The following ITIH2 variants were observed in gnomAD, a reference collection of about 807,000 sequenced individuals.
ITIH2 encodes the protein inter-alpha-trypsin inhibitor heavy chain 2, also known as inter-alpha-trypsin inhibitor heavy chain H2.
Under a neutral mutation model 104.4 loss-of-function variants are expected in ITIH2, and 103 were observed. The observed-to-expected ratio is 0.99, with a 90% CI of 0.84 to 1.16. The LOEUF (loss-of-function observed/expected upper bound fraction) is 1.16, where lower values mean the gene tolerates loss of function less well. Ranked by LOEUF, ITIH2 falls within the 50% of genes most tolerant of loss-of-function variation. The pLI, the probability that ITIH2 is intolerant of heterozygous loss-of-function variation, is 0.00. For synonymous variants in ITIH2, 436 were observed against 435.4 expected (o/e 1.00, Z -0.02); for missense variants, 1,108 against 1,162.4 (o/e 0.95, Z 0.68).
intron 14 of ITIH2, among the ~76,000 whole-genome samples, chr10:7,732,745 T>C (rs1160124135): frequency 6.6e-6 from 1 of 152,206 alleles, no homozygotes; most frequent in Non-Finnish European, 1.5e-5. Flanking sequence ...TTATTTTTTT[T>C]GAGGCAGAGT....
At position 7,730,043 on chromosome 10, in the gene ITIH2, G is replaced by A. The variant is rs1834986903; in HGVS notation, c.1371G>A (p.Val457=). Residue 457 remains valine, a synonymous_variant, in exon 12 of 21, where the codon GTG becomes GTA. Transcript: ENST00000358415. ...TCAGTTTGGGCATGGGATTTGATGT[G>A]GACTATGATTTTTTGAAGAGACTGT... The part of the protein sequence containing the change: ...SLFSLGMGFD[V]DYDFLKRLSN... 6.2e-7 allele frequency: 1 copy of A among 1,612,358 alleles called. No homozygotes were observed. Among genetic ancestry groups the A allele is most frequent in the Non-Finnish European group, 8.5e-7 (1 of 1,178,542 alleles).
intron 2 of ITIH2, 57 bp downstream of exon 2, chr10:7,705,239 A>G: frequency 1.6e-6 from 2 of 1,221,292 alleles, no homozygotes; most frequent in African/African-American, 1.5e-5. Context: ...TTATGGCAGA[A>G]GAAGACAAGT....
chr10:7,714,661 G>A (rs962918861), intron 5 of ITIH2, among the ~76,000 whole-genome samples: 2 of 152,146 alleles, frequency 1.3e-5, no homozygotes, highest in East Asian at 1.9e-4. Context: ...AGCGGACACC[G>A]TCAGCCTCAT....
intron 14 of ITIH2, 44 bp from the exon 15 acceptor site, chr10:7,734,878 C>T (rs771056234): frequency 2.6e-6 from 4 of 1,535,642 alleles, no homozygotes; most frequent in Admixed American, 3.4e-5. Context: ...CGCTCCCCCT[C>T]CAATGCAGCC....
At chr10:7,726,683 G>A (rs1302793046) in intron 9 of ITIH2, among the ~76,000 whole-genome samples, 5 of 152,206 alleles carry the variant, frequency 3.3e-5, no homozygotes, top group Non-Finnish European at 5.9e-5. Context: ...GGTGGCACTC[G>A]AAGTTTGTGA....
chr10:7,717,008 C>T (rs910211320), intron 5 of ITIH2, among the ~76,000 whole-genome samples: 4 of 149,520 alleles, frequency 2.7e-5, no homozygotes, highest in Non-Finnish European at 5.9e-5. Flanking sequence ...AGTGCAATGG[C>T]GTGATCTCGG....
intron 5 of ITIH2, among the ~76,000 whole-genome samples, chr10:7,715,678 A>G (rs1244295480): frequency 1.3e-5 from 2 of 152,184 alleles, no homozygotes; most frequent in Non-Finnish European, 2.9e-5. Flanking sequence ...CAAGCTGACT[A>G]TCCACAACAA....
At chr10:7,721,501 C>G in intron 7 of ITIH2, 148 bp from the exon 8 acceptor site, 5 of 660,986 alleles carry the variant, frequency 7.6e-6, no homozygotes, top group Non-Finnish European at 7.6e-6. Flanking sequence ...CCTGGCATGT[C>G]CTTCCCATCA....
In ITIH2 at chr10:7,732,767, T is replaced by G. The variant is rs531012163; in HGVS notation, c.1787+290T>G. Among the ~76,000 whole-genome samples the G allele has an allele frequency of 4.6e-5, 7 of 152,220 alleles. No individual in the cohort carries two copies. In the South Asian group the frequency reaches 1.5e-3, roughly 32 times the overall value. ...TTTTGAGGCAGAGTCTCGCTCTGTCTCCCAGGCTGGAGTGCAGTGACGCCA... is the reference window on the plus strand; with the variant it reads ...TTTTGAGGCAGAGTCTCGCTCTGTCGCCCAGGCTGGAGTGCAGTGACGCCA... On this transcript the variant is annotated intron_variant, in intron 14 of 20. Coordinates refer to ENST00000358415, the MANE Select transcript of ITIH2 (RefSeq NM_002216.3).
chr10:7,726,136 C>CT (rs1383666843), intron 9 of ITIH2, among the ~76,000 whole-genome samples: 4 of 152,066 alleles, frequency 2.6e-5, no homozygotes, highest in African/African-American at 9.7e-5. Flanking sequence ...AAGGATTGGG[C>CT]TTATGAGAGA....
At chr10:7,708,707 T>A in intron 3 of ITIH2, among the ~76,000 whole-genome samples, 1 of 152,120 alleles carries the variant, frequency 6.6e-6, no homozygotes, top group Middle Eastern at 3.2e-3. Flanking sequence ...ACTTCCTCAA[T>A]CCAATCTGGC....
intron 16 of ITIH2, among the ~76,000 whole-genome samples, chr10:7,740,169 G>T (rs1441932377): frequency 6.6e-6 from 1 of 152,168 alleles, no homozygotes; most frequent in African/African-American, 2.4e-5. Context: ...CTGGGCGACA[G>T]AGCAAGACTC....
At chr10:7,724,380 G>A (rs187601214) in intron 9 of ITIH2, among the ~76,000 whole-genome samples, 2 of 152,092 alleles carry the variant, frequency 1.3e-5, no homozygotes. Flanking sequence ...AGACCAGCCT[G>A]ACCAACATGG....
intron 12 of ITIH2, among the ~76,000 whole-genome samples, 183 bp from the exon 13 acceptor site, chr10:7,731,628 G>T (rs539356661): frequency 7.2e-4 from 109 of 152,260 alleles, no homozygotes; most frequent in African/African-American, 2.5e-3. Flanking sequence ...GTGGGGCTGA[G>T]GTGGGATAAT....
chr10:7,716,604 C>T (rs781179576), intron 5 of ITIH2, among the ~76,000 whole-genome samples: 11 of 151,772 alleles, frequency 7.2e-5, no homozygotes, highest in South Asian at 2.1e-4. Context: ...GGCATGGTGG[C>T]GCATGCCTGT....
chr10:7,704,626 C>G lies in ITIH2; in HGVS notation c.85-482C>G, dbSNP rs767642456. ...AATGAATTCCCATGTCCAACAAATG[C>G]GAAGGTGTTGTTACCCTCCATTTGG... On this transcript the variant is annotated intron_variant, in intron 1 of 20. Transcript: ENST00000358415. Among the ~76,000 whole-genome samples the G allele has an allele frequency of 2.0e-5, 3 of 152,212 alleles. No individual in the cohort carries two copies. The South Asian group carries it at 6.2e-4, about 32-fold the overall frequency.
chr10:7,720,912 A>G lies in ITIH2; in HGVS notation c.687A>G (p.Thr229=). ...TGAGATTTCTTCATGTTCCCGACAC[A>G]TTTGAAGGCCATTTCGATGGTGTTC... The part of the protein sequence containing the change: ...QGLRFLHVPD[T]FEGHFDGVPV... The change falls in exon 7 of 21, where the codon ACA becomes ACG. Residue 229 remains threonine, a synonymous_variant. Coordinates refer to ENST00000358415, the MANE Select transcript of ITIH2 (RefSeq NM_002216.3). 1 of 1,613,926 alleles carries G rather than the reference A, an allele frequency of 6.2e-7. No individual in the cohort carries two copies. Among genetic ancestry groups the G allele is most frequent in the Non-Finnish European group, 8.5e-7 (1 of 1,179,814 alleles).
At chr10:7,738,574 T>C in intron 15 of ITIH2, 47 bp from the exon 16 acceptor site, 1 of 1,609,596 alleles carries the variant, frequency 6.2e-7, no homozygotes, top group Non-Finnish European at 8.5e-7. Context: ...GCAATTTCCG[T>C]GGAAACGTAA....
At chr10:7,739,706 A>C (rs1307853558) in intron 16 of ITIH2, among the ~76,000 whole-genome samples, 1 of 152,016 alleles carries the variant, frequency 6.6e-6, no homozygotes, top group Admixed American at 6.6e-5. Flanking sequence ...CAGCAAAAAA[A>C]ACAAAAACAA....
Sources: gnomAD v4.1 joint callset for allele counts (sites outside exome capture counted in the v4.1 genomes callset) on GRCh38, gnomAD v4.1.1 for gene constraint, MANE v1.5 for transcripts, NCBI Gene and HGNC (gene_info 2026-07-23, HGNC 2026-07-21) for gene names.